APBA1: variants seen among roughly 807,000 people sequenced by gnomAD.
APBA1 encodes the protein amyloid beta precursor protein binding family A member 1, also known as amyloid-beta A4 precursor protein-binding family A member 1.
In APBA1, 55 loss-of-function variants were observed where a neutral mutation model predicts 86.6. The ratio of observed to expected loss-of-function variants is 0.64; its 90% CI spans 0.51 to 0.80. The LOEUF (loss-of-function observed/expected upper bound fraction) is 0.80. Among genes scored for constraint, APBA1 ranks in the 30% least tolerant of loss-of-function variants. The pLI is 0.00. For synonymous variants in APBA1, 511 were observed against 493.9 expected (o/e 1.03, Z -0.46); for missense variants, 1,090 against 1,183.0 (o/e 0.92, Z 1.15).
chr9:69,454,010 C>T (rs1057398167), intron 8 of APBA1, among the ~76,000 whole-genome samples: 4 of 152,222 alleles, frequency 2.6e-5, no homozygotes, highest in African/African-American at 7.2e-5. Flanking sequence ...CTCCTGCCCA[C>T]CACACTGGAA....
chr9:69,658,671 C>T (rs1377007090), intron 1 of APBA1, among the ~76,000 whole-genome samples: 1 of 151,590 alleles, frequency 6.6e-6, no homozygotes, highest in Non-Finnish European at 1.5e-5. Flanking sequence ...TCCTAAAATG[C>T]TAGGATTACA....
intron 1 of APBA1, among the ~76,000 whole-genome samples, chr9:69,554,739 T>C (rs900558290): frequency 6.6e-6 from 1 of 152,260 alleles, no homozygotes; most frequent in East Asian, 1.9e-4. Context: ...CTACTGCCTC[T>C]CAAATAAGCA....
intron 5 of APBA1, chr9:69,463,500 G>T (rs1348286160): frequency 6.6e-6 from 1 of 152,180 alleles, no homozygotes; most frequent in African/African-American, 2.4e-5. Context: ...AATAAGCAAT[G>T]TTCAATTTTA....
rs966340999 is a variant in APBA1, at chr9:69,627,904, C to G, written c.-70+44249G>C. On this transcript the variant is annotated intron_variant, in intron 1 of 12. Coordinates refer to ENST00000265381, the MANE Select transcript of APBA1 (RefSeq NM_001163.4). ...CTGGTGGGGGAATGAGATACCTGAA[C>G]ATGGTAGACACACCCTAAGGTGACC... Among the ~76,000 whole-genome samples, 2 of 152,142 alleles carry G rather than the reference C, an allele frequency of 1.3e-5. 1 individual carries two copies. The highest frequency in any genetic ancestry group is 2.9e-5 in the Non-Finnish European group (2 of 68,006).
At chr9:69,556,673 C>T (rs1199924341) in intron 1 of APBA1, among the ~76,000 whole-genome samples, 1 of 152,150 alleles carries the variant, frequency 6.6e-6, no homozygotes, top group Non-Finnish European at 1.5e-5. Context: ...TTAACTGTGA[C>T]AGGTTGTTTT....
chr9:69,647,974 G>A (rs1279142783), intron 1 of APBA1, among the ~76,000 whole-genome samples: 1 of 152,220 alleles, frequency 6.6e-6, no homozygotes, highest in Non-Finnish European at 1.5e-5. Context: ...TGCATGACTG[G>A]CAAGCTTTGG....
At chr9:69,589,130 AT>A (rs898283162) in intron 1 of APBA1, among the ~76,000 whole-genome samples, 3 of 151,650 alleles carry the variant, frequency 2.0e-5, no homozygotes, top group South Asian at 2.1e-4. Flanking sequence ...AATTTTTGTA[AT>A]TTTTTTTAAA....
At chr9:69,490,480 T>TA (rs1055941714) in intron 2 of APBA1, among the ~76,000 whole-genome samples, 1 of 150,450 alleles carries the variant, frequency 6.6e-6, no homozygotes, top group African/African-American at 2.4e-5. Context: ...ATAATAATAA[T>TA]AAAATTTTTA....
intron 2 of APBA1, among the ~76,000 whole-genome samples, chr9:69,498,594 C>T (rs917877870): frequency 2.6e-5 from 4 of 152,088 alleles, no homozygotes; most frequent in African/African-American, 9.7e-5. Flanking sequence ...CACTCTGCAC[C>T]AGCAGAGCCT....
chr9:69,520,329 G>T (rs1035566066), intron 1 of APBA1, among the ~76,000 whole-genome samples: 2 of 151,910 alleles, frequency 1.3e-5, no homozygotes, highest in Non-Finnish European at 2.9e-5. Flanking sequence ...GTATATTATT[G>T]GTACAAAATT....
At chr9:69,631,140 C>T (rs1007074615) in intron 1 of APBA1, among the ~76,000 whole-genome samples, 1 of 152,172 alleles carries the variant, frequency 6.6e-6, no homozygotes, top group Non-Finnish European at 1.5e-5. Context: ...TTAGTGTCCT[C>T]CTGAAGCTCA....
At chr9:69,490,485 T>A (rs1353519554) in intron 2 of APBA1, among the ~76,000 whole-genome samples, 1 of 138,956 alleles carries the variant, frequency 7.2e-6, no homozygotes, top group Non-Finnish European at 1.6e-5. Context: ...AATAATAAAA[T>A]TTTTAAAAAA....
intron 1 of APBA1, among the ~76,000 whole-genome samples, chr9:69,641,890 G>C (rs1294135411): frequency 6.6e-6 from 1 of 152,094 alleles, no homozygotes; most frequent in Non-Finnish European, 1.5e-5. Context: ...CTGTCATCCA[G>C]GCTGGAGTGC....
chr9:69,540,523 C>A (rs546109953), intron 1 of APBA1, among the ~76,000 whole-genome samples: 3 of 152,232 alleles, frequency 2.0e-5, no homozygotes, highest in Admixed American at 6.5e-5. Flanking sequence ...TGAATAGAAA[C>A]TTCCCATTGT....
Position 69,500,439 on chromosome 9 carries a change from G to A in APBA1, c.1200+15572C>T, listed in dbSNP as rs529092900. 3.9e-5 allele frequency among the ~76,000 whole-genome samples: 6 copies of A among 152,238 alleles called. No homozygotes were observed. In the East Asian group the frequency reaches 1.2e-3, roughly 29 times the overall value. On this transcript the variant is annotated intron_variant, in intron 2 of 12. Transcript: ENST00000265381. The stretch of plus-strand genomic sequence containing the variant: ...AACTCATTTTACTGATGAGGAAACT[G>A]AAGGCTGGGAGGAAAGCAGGTGACA...
chr9:69,616,061 A>G (rs1822692468), intron 1 of APBA1, among the ~76,000 whole-genome samples: 1 of 152,202 alleles, frequency 6.6e-6, no homozygotes, highest in Non-Finnish European at 1.5e-5. Flanking sequence ...ATAATGACGT[A>G]ATTGCAGTTT....
chr9:69,432,602 A>G lies in APBA1; in HGVS notation c.2376T>C (p.Asn792=), dbSNP rs901235768. ...VRVGHRIIEI[N]GQSVVATPHE... ...GGGGGGTGGCCACGACGCTCTGTCCATTGATTTCAATGATCCGGTGCCCCA... is the reference window on the plus strand; with the variant it reads ...GGGGGGTGGCCACGACGCTCTGTCCGTTGATTTCAATGATCCGGTGCCCCA... Residue 792 remains asparagine, a synonymous_variant, in exon 12 of 13, where the codon AAT becomes AAC. Coordinates refer to ENST00000265381, the MANE Select transcript of APBA1 (RefSeq NM_001163.4). 1.6e-5 allele frequency: 25 copies of G among 1,606,778 alleles called. No individual in the cohort carries two copies. Among genetic ancestry groups the G allele is most frequent in the Non-Finnish European group, 1.9e-5 (22 of 1,176,994 alleles).
chr9:69,439,843 C>G (rs917017586), intron 11 of APBA1, among the ~76,000 whole-genome samples: 5 of 152,328 alleles, frequency 3.3e-5, no homozygotes, highest in East Asian at 1.9e-4. Context: ...TGTTCCTTTG[C>G]AGGAGGAGAG....
intron 10 of APBA1, among the ~76,000 whole-genome samples, chr9:69,447,320 C>T (rs1383268258): frequency 6.6e-6 from 1 of 152,200 alleles, no homozygotes; most frequent in East Asian, 1.9e-4. Flanking sequence ...CAGACCAACT[C>T]CCCACAAACC....
Sources: gnomAD v4.1 joint callset for allele counts (sites outside exome capture counted in the v4.1 genomes callset) on GRCh38, gnomAD v4.1.1 for gene constraint, MANE v1.5 for transcripts, NCBI Gene and HGNC (gene_info 2026-07-23, HGNC 2026-07-21) for gene names.